Variants in CYP20A1 observed in about 807,000 individuals in gnomAD.
CYP20A1 encodes cytochrome P450 family 20 subfamily A member 1, also known as cytochrome P450 20A1.
A neutral mutation model predicts 61.4 loss-of-function variants in CYP20A1; 61 were observed. The ratio of observed to expected loss-of-function variants is 0.99; its 90% CI spans 0.81 to 1.23. The LOEUF (loss-of-function observed/expected upper bound fraction) is 1.23, where lower values mean the gene tolerates loss of function less well. Ranked by LOEUF, CYP20A1 falls within the 50% of genes most tolerant of loss-of-function variation. CYP20A1 has a pLI of 0.00. For missense variants in CYP20A1, 530 were observed against 542.4 expected, an observed-to-expected ratio of 0.98 and a Z score of 0.23; for synonymous variants, 193 against 188.2, an observed-to-expected ratio of 1.03 and a Z score of -0.21.
rs754724022 is a variant in CYP20A1 at position 203,278,679 on chromosome 2, T to C, written c.786T>C (p.Asn262=). 6.6e-7 allele frequency: 1 copy of C among 1,525,892 alleles called. No individual in the cohort carries two copies. The highest frequency in any genetic ancestry group is 2.3e-5 in the East Asian group (1 of 43,732). 94.5% of individuals were successfully genotyped at this position (1,525,892 alleles called of 1,614,324 possible). A position where few individuals can be genotyped will look rare whatever the true frequency, so the allele number is the denominator to read the frequency against. Residue 262 remains asparagine, a synonymous_variant, in exon 7 of 13, where the codon AAT becomes AAC. Coordinates refer to ENST00000356079, the MANE Select transcript of CYP20A1 (RefSeq NM_177538.3). ...FIDSLVQGNL[N]DQQILEDSMI... Reference sequence around the variant, plus strand: ...ACTCCTTAGTACAAGGGAACCTTAATGACCAACAGGTGATATAATTGTTAA... The same window carrying C: ...ACTCCTTAGTACAAGGGAACCTTAACGACCAACAGGTGATATAATTGTTAA...
At position 203,285,688 on chromosome 2, in the gene CYP20A1, T is replaced by G; in HGVS notation, c.927T>G (p.Val309=). 6.2e-7 allele frequency: 1 copy of G among 1,605,014 alleles called. No homozygotes were observed. The highest frequency in any genetic ancestry group is 8.5e-7 in the Non-Finnish European group (1 of 1,178,206). The change falls in exon 9 of 13, where the codon GTT becomes GTG. Residue 309 remains valine (V), a synonymous_variant. Coordinates refer to ENST00000356079, the MANE Select transcript of CYP20A1 (RefSeq NM_177538.3). ...AATTATATGAAGAGATAAACCAAGT[T>G]TTTGGAAATGGTCCTGTTACTCCAG... ...QKKLYEEINQ[V]FGNGPVTPEK...
intron 4 of CYP20A1, among the ~76,000 whole-genome samples, chr2:203,254,234 C>T (rs1454706561): frequency 2.0e-5 from 3 of 152,056 alleles, no homozygotes; most frequent in Non-Finnish European, 2.9e-5. Context: ...CATGAGCCAC[C>T]GTGCCCGGCC....
In CYP20A1 at chr2:203,302,327, G is replaced by GT. The variant is rs906553561; in HGVS notation, c.*5422dup. ...GGCCAGATTGCTTGAGCTTTTAGAA[G>GT]TTTGAGACCAGCCTGGGCAACGTGG... On this transcript the variant is annotated 3_prime_UTR_variant, in exon 13 of 13. Coordinates refer to ENST00000356079, the MANE Select transcript of CYP20A1 (RefSeq NM_177538.3). Among the ~76,000 whole-genome samples, 1 of 152,122 alleles carries GT rather than the reference G, an allele frequency of 6.6e-6. No individual in the cohort carries two copies. Among genetic ancestry groups the GT allele is most frequent in the Admixed American group, 6.6e-5 (1 of 15,262 alleles).
intron 4 of CYP20A1, among the ~76,000 whole-genome samples, chr2:203,257,539 C>T (rs890062627): frequency 6.6e-6 from 1 of 151,934 alleles, no homozygotes; most frequent in East Asian, 1.9e-4. Context: ...CCTATAATCC[C>T]AGCACTTTGG....
intron 11 of CYP20A1, among the ~76,000 whole-genome samples, chr2:203,295,715 A>T (rs1163770881): frequency 6.6e-6 from 1 of 152,156 alleles, no homozygotes; most frequent in African/African-American, 2.4e-5. Context: ...TGGGAGGCCA[A>T]GGCAGGTGGA....
At chr2:203,262,006 GC>G (rs1284481399) in intron 4 of CYP20A1, among the ~76,000 whole-genome samples, 1 of 152,122 alleles carries the variant, frequency 6.6e-6, no homozygotes, top group Non-Finnish European at 1.5e-5. Flanking sequence ...GATGGGGGAA[GC>G]TGCTGACTGC....
chr2:203,283,756 C>T (rs2068146906), intron 8 of CYP20A1, among the ~76,000 whole-genome samples: 1 of 151,708 alleles, frequency 6.6e-6, no homozygotes, highest in African/African-American at 2.4e-5. Flanking sequence ...ACCATGTTGG[C>T]CAGGATGGTC....
At chr2:203,269,579 C>T (rs2067477932) in intron 5 of CYP20A1, among the ~76,000 whole-genome samples, 1 of 151,614 alleles carries the variant, frequency 6.6e-6, no homozygotes, top group Admixed American at 6.6e-5. Context: ...ACTGCAACCT[C>T]CACCTCCCAG....
chr2:203,258,371 T>C (rs2067001545), intron 4 of CYP20A1, among the ~76,000 whole-genome samples: 1 of 135,346 alleles, frequency 7.4e-6, no homozygotes, highest in South Asian at 2.4e-4. Context: ...CTGGGCAACA[T>C]AGCAGGACCC....
At chr2:203,275,035 G>A (rs2067758736) in intron 6 of CYP20A1, among the ~76,000 whole-genome samples, 1 of 152,196 alleles carries the variant, frequency 6.6e-6, no homozygotes, top group Admixed American at 6.5e-5. Flanking sequence ...CTGGATCAGA[G>A]CTTCCTTTGT....
intron 4 of CYP20A1, among the ~76,000 whole-genome samples, chr2:203,252,372 G>GTA (rs2066724111): frequency 3.4e-5 from 1 of 29,184 alleles, no homozygotes; most frequent in Non-Finnish European, 1.8e-4. Context: ...ATGTATGTAT[G>GTA]TGTATATATA....
intron 4 of CYP20A1, among the ~76,000 whole-genome samples, chr2:203,262,020 T>C (rs1054729958): frequency 3.3e-5 from 5 of 152,042 alleles, no homozygotes; most frequent in South Asian, 2.1e-4. Context: ...CTGACTGCTT[T>C]CCAGTGCACT....
rs866845932 is a variant in CYP20A1 at position 203,302,403 on chromosome 2, C to T, written c.*5495C>T. ...ATAAAAACTTAGCCAGCCTTGGTGGCACCACCTGCAGTCCCAACTATTCAG... is the reference window on the plus strand; with the variant it reads ...ATAAAAACTTAGCCAGCCTTGGTGGTACCACCTGCAGTCCCAACTATTCAG... On this transcript the variant is annotated 3_prime_UTR_variant, in exon 13 of 13. Coordinates refer to ENST00000356079, the MANE Select transcript of CYP20A1 (RefSeq NM_177538.3). Among the ~76,000 whole-genome samples, 2 of 152,146 alleles carry T rather than the reference C, an allele frequency of 1.3e-5. No individual in the cohort carries two copies. The highest frequency in any genetic ancestry group is 2.9e-5 in the Non-Finnish European group (2 of 68,046).
chr2:203,282,807 T>C (rs1273201421), intron 8 of CYP20A1, among the ~76,000 whole-genome samples: 1 of 152,190 alleles, frequency 6.6e-6, no homozygotes, highest in Non-Finnish European at 1.5e-5. Context: ...TTCCTCCTTT[T>C]CTAAAATAGG....
intron 6 of CYP20A1, among the ~76,000 whole-genome samples, chr2:203,273,049 G>A (rs1381208680): frequency 6.6e-6 from 1 of 152,108 alleles, no homozygotes; most frequent in Non-Finnish European, 1.5e-5. Flanking sequence ...GTGTCACCCT[G>A]TTGGCCAGGA....
chr2:203,259,371 G>T (rs2067039865), intron 4 of CYP20A1, among the ~76,000 whole-genome samples: 1 of 152,130 alleles, frequency 6.6e-6, no homozygotes, highest in South Asian at 2.1e-4. Context: ...GAAGGTGATT[G>T]GATCATGGGA....
At chr2:203,255,134 T>A (rs1367244733) in intron 4 of CYP20A1, among the ~76,000 whole-genome samples, 2 of 152,204 alleles carry the variant, frequency 1.3e-5, no homozygotes, top group African/African-American at 2.4e-5. Context: ...TTCCATGATC[T>A]TACCTGGATT....
At chr2:203,292,393 C>A in intron 11 of CYP20A1, 67 bp downstream of exon 11, 1 of 1,163,664 alleles carries the variant, frequency 8.6e-7, no homozygotes. Flanking sequence ...GCATTCCTTT[C>A]CTAACTGTTG....
At chr2:203,249,451 ATT>A (rs2066578445) in intron 3 of CYP20A1, among the ~76,000 whole-genome samples, 6 of 152,204 alleles carry the variant, frequency 3.9e-5, no homozygotes, top group Admixed American at 3.9e-4. Flanking sequence ...TGATTACCAT[ATT>A]TTTGTTAAAT....
Sources: allele counts gnomAD v4.1 joint callset (sites outside exome capture counted in the v4.1 genomes callset), GRCh38; gene constraint gnomAD v4.1.1; transcripts MANE v1.5; gene names NCBI Gene and HGNC (gene_info 2026-07-23, HGNC 2026-07-21).